Variants in INO80 observed in about 807,000 individuals in gnomAD.
The protein encoded by INO80 is chromatin-remodeling ATPase INO80.
A neutral mutation model predicts 203.4 loss-of-function variants in INO80; 20 were observed. The observed-to-expected ratio is 0.10, with a 90% CI of 0.07 to 0.14. The LOEUF is 0.14. Among genes scored for constraint, INO80 ranks in the 10% least tolerant of loss-of-function variants. INO80 has a pLI of 1.00. For synonymous variants in INO80, 726 were observed against 685.2 expected (o/e 1.06, Z -0.93); for missense variants, 1,419 against 1,914.4 (o/e 0.74, Z 4.83).
chr15:41,073,402 G>A (rs1450306184), intron 11 of INO80, 26 bp downstream of exon 11: 7 of 1,600,522 alleles, frequency 4.4e-6, no homozygotes, highest in Middle Eastern at 1.7e-4. Context: ...GCCAATTACA[G>A]TAAACCTTTC....
At chr15:41,080,307 C>T (rs1174567225) in intron 8 of INO80, among the ~76,000 whole-genome samples, 1 of 152,198 alleles carries the variant, frequency 6.6e-6, no homozygotes, top group Non-Finnish European at 1.5e-5. Flanking sequence ...CCATCACCCT[C>T]ATTTATAAAT....
At chr15:41,112,976 C>A (rs2045979364) in intron 1 of INO80, among the ~76,000 whole-genome samples, 1 of 151,660 alleles carries the variant, frequency 6.6e-6, no homozygotes, top group Non-Finnish European at 1.5e-5. Context: ...AGTGCAGTGG[C>A]TCGATCTCGG....
intron 27 of INO80, among the ~76,000 whole-genome samples, chr15:41,006,292 T>C (rs1055933577): frequency 7.2e-5 from 11 of 152,188 alleles, no homozygotes; most frequent in African/African-American, 2.7e-4. Context: ...AAAGATACAA[T>C]AGAGAGACTG....
rs182581312 is a variant in INO80 at position 41,112,347 on chromosome 15, A to T, written c.-44+3626T>A. ...TGAGAATTACTACCAAGAAGTTTCA[A>T]GAAAATTAAAATGATAATATATAAA... On this transcript the variant is annotated intron_variant, in intron 1 of 35. Transcript: ENST00000648947. Among the ~76,000 whole-genome samples the T allele has an allele frequency of 2.7e-3, 409 of 152,328 alleles. 3 individuals are homozygous for T. The highest frequency in any genetic ancestry group is 0.013 in the South Asian group (61 of 4,828).
In INO80 at chr15:41,048,511, A is replaced by G. The variant is rs115852784; in HGVS notation, c.2577-235T>C. 2.5e-3 allele frequency among the ~76,000 whole-genome samples: 377 copies of G among 152,332 alleles called. 3 individuals are homozygous for G. The highest frequency in any genetic ancestry group is 8.7e-3 in the African/African-American group (363 of 41,582). On this transcript the variant is annotated intron_variant, in intron 21 of 35. Coordinates refer to ENST00000648947, the MANE Select transcript of INO80 (RefSeq NM_017553.3). The stretch of plus-strand genomic sequence containing the variant: ...TAAAAGTAGTCTCATTTTATTTCAG[A>G]GAATCACAATTCTAGTGCCCTAAGG...
At chr15:41,096,036 CTTT>C (rs1236872286) in intron 2 of INO80, 108 bp from the exon 3 acceptor site, 27 of 1,411,802 alleles carry the variant, frequency 1.9e-5, no homozygotes, top group African/African-American at 2.9e-5. Context: ...AATAAATTGA[CTTT>C]TTTATTTGAA....
At chr15:41,079,084 C>T (rs998557318) in intron 9 of INO80, among the ~76,000 whole-genome samples, 2 of 152,060 alleles carry the variant, frequency 1.3e-5, no homozygotes, top group Non-Finnish European at 2.9e-5. Context: ...GGTTGCAGAG[C>T]CGAGATTACG....
chr15:41,116,156 A>AAGATGGCGGCGGCGCTG lies in INO80; in HGVS notation c.-244_-228dup. On this transcript the variant is annotated 5_prime_UTR_variant, in exon 1 of 36. An upstream open reading frame in the 5' UTR loses its in-frame stop. Transcript: ENST00000648947. ...CTCCCTCCGCGGCTCCTGGGACCCC[A>AAGATGGCGGCGGCGCTG]AGATGGCGGCGGCGCTGAGGCGGCT... 2 of 406,738 alleles carry AAGATGGCGGCGGCGCTG rather than the reference A, an allele frequency of 4.9e-6. No homozygotes were observed. Among genetic ancestry groups the AAGATGGCGGCGGCGCTG allele is most frequent in the Non-Finnish European group, 8.6e-6 (2 of 233,176 alleles). The allele number at this position is 406,738 out of a possible 1,614,324, so 25.2% of individuals were successfully genotyped here.
intron 34 of INO80, chr15:40,983,367 G>A (rs1045491210): frequency 1.5e-5 from 7 of 453,454 alleles, no homozygotes; most frequent in South Asian, 1.5e-4. Flanking sequence ...AAAGGGAAGC[G>A]ACTTGCTACC....
At chr15:41,049,189 G>A in intron 21 of INO80, 98 bp downstream of exon 21, 3 of 984,300 alleles carry the variant, frequency 3.0e-6, no homozygotes, top group Non-Finnish European at 2.9e-6. Context: ...ATGTCTCATT[G>A]CTGGGAACTC....
chr15:40,992,155 A>G (rs1433300471), intron 29 of INO80, among the ~76,000 whole-genome samples: 6 of 152,258 alleles, frequency 3.9e-5, no homozygotes. Context: ...TCCCAAGAGA[A>G]TAAGCGGAGG....
intron 24 of INO80, among the ~76,000 whole-genome samples, chr15:41,028,678 G>GA (rs2044413151): frequency 6.6e-6 from 1 of 152,068 alleles, no homozygotes; most frequent in African/African-American, 2.4e-5. Flanking sequence ...CCAACATGGC[G>GA]AAACTCTGTC....
intron 14 of INO80, among the ~76,000 whole-genome samples, chr15:41,061,704 G>T (rs909240017): frequency 2.0e-5 from 3 of 152,006 alleles, no homozygotes; most frequent in African/African-American, 7.2e-5. Flanking sequence ...TGAAAAACAA[G>T]ATAGAGAATT....
Position 41,041,709 on chromosome 15 carries a change from C to T in INO80, c.2907+3195G>A, listed in dbSNP as rs574422157. On this transcript the variant is annotated intron_variant, in intron 24 of 35. Transcript: ENST00000648947. ...CTGCCCGCCTTGGCCTCCCAAAGTA[C>T]TGGGATTAACAGGCATGAGCCACTG... 9.3e-4 allele frequency among the ~76,000 whole-genome samples: 141 copies of T among 152,222 alleles called. No individual in the cohort carries two copies. The Middle Eastern group carries it at 0.01, about 11-fold the overall frequency.
Position 41,085,370 on chromosome 15 carries a change from T to A in INO80, c.872A>T (p.Lys291Met). 1 of 1,613,918 alleles carries A rather than the reference T, an allele frequency of 6.2e-7. No homozygotes were observed. Among genetic ancestry groups the A allele is most frequent in the Non-Finnish European group, 8.5e-7 (1 of 1,179,802 alleles). The change falls in exon 7 of 36, where the codon AAG becomes ATG. Residue 291 changes from lysine (K) to methionine (M), a missense_variant and splice_region_variant. Around this residue, in one of 9 missense-constraint regions of INO80, gnomAD observed 87 missense variants for 150.5 expected, o/e 0.58. Coordinates refer to ENST00000648947, the MANE Select transcript of INO80 (RefSeq NM_017553.3). ...CATCTCCTGGAGGCATTCACTTACCTTTGGTAGTTCCTTTTTCACAATGCT... is the reference window on the plus strand; with the variant it reads ...CATCTCCTGGAGGCATTCACTTACCATTGGTAGTTCCTTTTTCACAATGCT... Reference protein sequence around the residue: ...WLSIVKKELPKANKQKASARN... With the variant: ...WLSIVKKELPMANKQKASARN...
intron 24 of INO80, among the ~76,000 whole-genome samples, chr15:41,037,094 C>G (rs2044588666): frequency 6.6e-6 from 1 of 151,486 alleles, no homozygotes; most frequent in Non-Finnish European, 1.5e-5. Flanking sequence ...CAGAGCAAGA[C>G]TCTATCTCAA....
Position 41,027,586 on chromosome 15 carries a change from G to C in INO80, c.3048+10C>G. 6 of 1,590,204 alleles carry C rather than the reference G, an allele frequency of 3.8e-6. No homozygotes were observed. The highest frequency in any genetic ancestry group is 1.4e-5 in the African/African-American group (1 of 74,042). The stretch of plus-strand genomic sequence containing the variant: ...CATCTATTTCATCTCTTCCCTCCTG[G>C]AGCACTTACTCGTGGACTGGCCACA... On this transcript the variant is annotated intron_variant, in intron 25 of 35. Transcript: ENST00000648947.
At chr15:41,007,182 C>CTTT (rs11330780) in intron 27 of INO80, among the ~76,000 whole-genome samples, 12 of 119,308 alleles carry the variant, frequency 1.0e-4, no homozygotes, top group African/African-American at 2.0e-4. Context: ...TTTTTTTTTT[C>CTTT]TTTTTTTTTT....
chr15:41,066,992 T>C (rs1224822679), intron 14 of INO80, among the ~76,000 whole-genome samples: 4 of 152,184 alleles, frequency 2.6e-5, no homozygotes, highest in Admixed American at 6.6e-5. Context: ...TCAATGACAT[T>C]AGTAATATCA....
Sources: allele counts gnomAD v4.1 joint callset (sites outside exome capture counted in the v4.1 genomes callset), GRCh38; gene constraint gnomAD v4.1.1; regional missense constraint gnomAD v4.1.1; transcripts MANE v1.5; gene names NCBI Gene and HGNC (gene_info 2026-07-23, HGNC 2026-07-21).